TNIK: variants seen among roughly 807,000 people sequenced by gnomAD.
TNIK encodes the protein TRAF2 and NCK interacting kinase, also known as TRAF2 and NCK-interacting protein kinase.
A neutral mutation model predicts 191.3 loss-of-function variants in TNIK; 49 were observed. The ratio of observed to expected loss-of-function variants is 0.26; its 90% CI spans 0.20 to 0.32. TNIK has a LOEUF of 0.32. Among genes scored for constraint, TNIK ranks in the 10% least tolerant of loss-of-function variants. The probability of loss-of-function intolerance (pLI) is 1.00; values close to 1 mark genes in which losing one functional copy is unlikely to be tolerated. For synonymous variants in TNIK, 594 were observed against 600.9 expected (o/e 0.99, Z 0.17); for missense variants, 1,155 against 1,702.3 (o/e 0.68, Z 5.66).
intron 2 of TNIK, among the ~76,000 whole-genome samples, chr3:171,233,971 G>GA (rs1743970696): frequency 6.6e-6 from 1 of 152,182 alleles, no homozygotes; most frequent in Non-Finnish European, 1.5e-5. Flanking sequence ...TTAAGTGGAT[G>GA]AAGTTCTTTT....
chr3:171,084,123 TAAAA>T (rs371989911), intron 26 of TNIK, 28 bp downstream of exon 26: 520 of 1,391,508 alleles, frequency 3.7e-4, no homozygotes, highest in South Asian at 8.6e-4. Context: ...AGTGGTTATT[TAAAA>T]AAAAAAAAAA....
intron 1 of TNIK, among the ~76,000 whole-genome samples, chr3:171,408,923 A>T (rs1722054308): frequency 6.6e-6 from 1 of 152,174 alleles, no homozygotes; most frequent in African/African-American, 2.4e-5. Flanking sequence ...GCAACTGCAC[A>T]TCAGGGAATA....
chr3:171,126,781 A>G (rs1286814096), intron 16 of TNIK, among the ~76,000 whole-genome samples: 1 of 152,214 alleles, frequency 6.6e-6, no homozygotes, highest in African/African-American at 2.4e-5. Flanking sequence ...CTTACCATCT[A>G]TGCTGTCGTA....
chr3:171,446,932 G>A (rs1056907567), intron 1 of TNIK, among the ~76,000 whole-genome samples: 1 of 152,150 alleles, frequency 6.6e-6, no homozygotes, highest in Non-Finnish European at 1.5e-5. Flanking sequence ...GGCTCACGCC[G>A]GTAATCCCAG....
At chr3:171,174,222 C>A (rs1339661043) in intron 9 of TNIK, among the ~76,000 whole-genome samples, 1 of 152,132 alleles carries the variant, frequency 6.6e-6, no homozygotes, top group Non-Finnish European at 1.5e-5. Flanking sequence ...GTAATTAAGG[C>A]TGCCCCCTGT....
chr3:171,322,368 T>A (rs886253943), intron 2 of TNIK, among the ~76,000 whole-genome samples: 12 of 152,144 alleles, frequency 7.9e-5, no homozygotes, highest in African/African-American at 2.9e-4. Context: ...TTTAAAATTG[T>A]CAAATAAGTC....
intron 12 of TNIK, among the ~76,000 whole-genome samples, chr3:171,154,507 C>T (rs970429756): frequency 2.6e-5 from 4 of 151,870 alleles, no homozygotes; most frequent in African/African-American, 4.9e-5. Context: ...AGAATGTGCT[C>T]AGCAATTTGA....
intron 29 of TNIK, among the ~76,000 whole-genome samples, chr3:171,070,741 G>A (rs1037017798): frequency 1.3e-5 from 2 of 152,156 alleles, no homozygotes; most frequent in Admixed American, 6.5e-5. Flanking sequence ...GAGAAACTAG[G>A]TCATTTCTGT....
chr3:171,085,292 A>C, intron 24 of TNIK, 63 bp from the exon 25 acceptor site: 1 of 1,447,082 alleles, frequency 6.9e-7, no homozygotes, highest in Admixed American at 2.1e-5. Context: ...CAATGCTAAC[A>C]ATACTGTGCT....
At chr3:171,369,799 G>T in intron 1 of TNIK, 114 bp from the exon 2 acceptor site, 1 of 785,372 alleles carries the variant, frequency 1.3e-6, no homozygotes, top group Non-Finnish European at 2.0e-6. Context: ...TAGCTTCAGG[G>T]GCTCTCATGT....
In TNIK at chr3:171,172,592, A is replaced by G. The variant is rs1735439795; in HGVS notation, c.773+2660T>C. ...ATTGTATTGCAGAGAAATGGGAGCC[A>G]TGTCTGCTGTCAAGTATCATGTGCC... On this transcript the variant is annotated intron_variant, in intron 9 of 32. Transcript: ENST00000436636. 2.6e-5 allele frequency among the ~76,000 whole-genome samples: 4 copies of G among 152,344 alleles called. No individual in the cohort carries two copies. In the Middle Eastern group the frequency reaches 0.014, roughly 518 times the overall value.
chr3:171,272,014 T>C (rs181400983), intron 2 of TNIK, among the ~76,000 whole-genome samples: 132 of 152,366 alleles, frequency 8.7e-4, no homozygotes, highest in African/African-American at 2.8e-3. Context: ...TGTTTCTTTC[T>C]GGGAAGTTCA....
intron 2 of TNIK, 59 bp from the exon 3 acceptor site, chr3:171,228,280 T>C (rs1188822498): frequency 1.2e-6 from 2 of 1,601,910 alleles, no homozygotes; most frequent in East Asian, 4.5e-5. Flanking sequence ...TAGCATTCAA[T>C]TCCAACAATA....
intron 1 of TNIK, among the ~76,000 whole-genome samples, chr3:171,408,705 T>C (rs569605854): frequency 4.6e-5 from 7 of 152,310 alleles, no homozygotes; most frequent in Non-Finnish European, 7.4e-5. Context: ...AAGGGCCTGA[T>C]ACCTACCAGA....
chr3:171,406,137 T>C (rs13081366), intron 1 of TNIK, among the ~76,000 whole-genome samples: 93,951 of 151,696 alleles, frequency 0.62, 30,096 homozygotes, highest in African/African-American at 0.67. Context: ...ATTAGATATC[T>C]AATGATCAAA....
intron 2 of TNIK, among the ~76,000 whole-genome samples, chr3:171,338,224 T>C (rs1757157696): frequency 6.6e-6 from 1 of 152,168 alleles, no homozygotes; most frequent in African/African-American, 2.4e-5. Context: ...ATTGCCTCAT[T>C]TCTAAACTGG....
At chr3:171,286,503 T>C (rs540041996) in intron 2 of TNIK, among the ~76,000 whole-genome samples, 12 of 152,164 alleles carry the variant, frequency 7.9e-5, no homozygotes, top group Admixed American at 7.2e-4. Context: ...GGTGTGTTGA[T>C]GCACACCTGT....
chr3:171,209,064 GGTGTGTGTGTGTGTGT>G lies in TNIK; in HGVS notation c.306+2036_306+2051del, dbSNP rs61264225. On this transcript the variant is annotated intron_variant, in intron 4 of 32. Transcript: ENST00000436636. ...AAAGTAAGGTGTTTGCTTTGGAAGG[GGTGTGTGTGTGTGTGT>G]GTGTGTGTGTGTGTGTGTATGCCAA... Among the ~76,000 whole-genome samples, 517 of 142,114 alleles carry G rather than the reference GGTGTGTGTGTGTGTGT, an allele frequency of 3.6e-3. 3 individuals are homozygous for G. Among genetic ancestry groups the G allele is most frequent in the African/African-American group, 0.013 (475 of 37,838 alleles). The allele number at this position is 142,114 out of a possible 152,430, so 93.2% of individuals were successfully genotyped here. A position where few individuals can be genotyped will look rare whatever the true frequency, so the allele number is the denominator to read the frequency against.
intron 4 of TNIK, among the ~76,000 whole-genome samples, chr3:171,196,450 G>A (rs752176300): frequency 2.0e-5 from 3 of 152,144 alleles, no homozygotes; most frequent in African/African-American, 7.2e-5. Flanking sequence ...ACCTGATCAG[G>A]CCTCTAGCTC....
Sources: gnomAD v4.1 joint callset for allele counts (sites outside exome capture counted in the v4.1 genomes callset) on GRCh38, gnomAD v4.1.1 for gene constraint, MANE v1.5 for transcripts, NCBI Gene and HGNC (gene_info 2026-07-23, HGNC 2026-07-21) for gene names.